TMEM135: variants seen among roughly 807,000 people sequenced by gnomAD.
TMEM135 encodes transmembrane protein 135.
A neutral mutation model predicts 60.3 loss-of-function variants in TMEM135; 30 were observed. The observed-to-expected ratio is 0.50, with a 90% confidence interval of 0.37 to 0.68. The LOEUF (loss-of-function observed/expected upper bound fraction) is 0.68, where lower values mean the gene tolerates loss of function less well. Ranked by LOEUF, TMEM135 falls within the 30% of genes least tolerant of loss-of-function variation. The pLI, the probability that TMEM135 is intolerant of heterozygous loss-of-function variation, is 0.00. For synonymous variants in TMEM135, 190 were observed against 186.7 expected, an observed-to-expected ratio of 1.02 and a Z score of -0.14; for missense variants, 468 against 548.8, an observed-to-expected ratio of 0.85 and a Z score of 1.47.
chr11:87,318,894 G>A (rs1942776633), intron 13 of TMEM135, among the ~76,000 whole-genome samples: 1 of 134,000 alleles, frequency 7.5e-6, no homozygotes, highest in African/African-American at 2.8e-5. Context: ...TTTTTGAGAT[G>A]GAATTTTGCT....
chr11:87,038,447 C>T lies in TMEM135; in HGVS notation c.141+261C>T, dbSNP rs552028450. 5.3e-5 allele frequency among the ~76,000 whole-genome samples: 8 copies of T among 152,048 alleles called. No individual in the cohort carries two copies. The South Asian group carries it at 1.3e-3, about 24-fold the overall frequency. ...GCCTGTTGCTAGGAAGAGGATGGCT[C>T]CCAACTTTTAGAATTAAGTTTAGGA... is the stretch of plus-strand genomic sequence containing the variant. On this transcript the variant is annotated intron_variant, in intron 1 of 14. Transcript: ENST00000305494.
chr11:87,124,791 C>A (rs1937679904), intron 4 of TMEM135, among the ~76,000 whole-genome samples: 1 of 151,996 alleles, frequency 6.6e-6, no homozygotes, highest in African/African-American at 2.4e-5. Context: ...CTTCATTTAT[C>A]CCTTCCTCCC....
chr11:87,309,754 T>G (rs1942610395), intron 10 of TMEM135, 82 bp downstream of exon 10: 40 of 1,414,640 alleles, frequency 2.8e-5, no homozygotes, highest in Non-Finnish European at 3.8e-5. Context: ...TTAGTTCACT[T>G]ATTTTTTAAT....
At chr11:87,265,962 A>T (rs568123168) in intron 6 of TMEM135, among the ~76,000 whole-genome samples, 26 of 152,286 alleles carry the variant, frequency 1.7e-4, no homozygotes, top group African/African-American at 1.2e-4. Context: ...TTGATCTATT[A>T]GCCTTACAGC....
At chr11:87,144,975 C>T (rs187287939) in intron 4 of TMEM135, among the ~76,000 whole-genome samples, 2 of 152,198 alleles carry the variant, frequency 1.3e-5, no homozygotes, top group East Asian at 3.9e-4. Flanking sequence ...TTGAAATTTA[C>T]TCTGTTAGCA....
intron 6 of TMEM135, among the ~76,000 whole-genome samples, chr11:87,275,913 A>G (rs189096469): frequency 2.1e-4 from 32 of 152,062 alleles, no homozygotes; most frequent in African/African-American, 7.7e-4. Context: ...CCGCCCGTCT[A>G]GGCCTCCCAA....
chr11:87,322,077 T>C lies in TMEM135; in HGVS notation c.*744T>C, dbSNP rs750887182. 1.3e-3 allele frequency: 590 copies of C among 454,300 alleles called. 5 individuals are homozygous for C. Among genetic ancestry groups the C allele is most frequent in the Admixed American group, 8.0e-4 (34 of 42,534 alleles). The allele number at this position is 454,300 out of a possible 1,614,324, so 28.1% of individuals were successfully genotyped here. A position where few individuals can be genotyped will look rare whatever the true frequency, so the allele number is the denominator to read the frequency against. On this transcript the variant is annotated 3_prime_UTR_variant, in exon 15 of 15. Transcript: ENST00000305494. ...ATGGACACATCCGATAAAGTTGAAA[T>C]GTATGTTTTAATCTTTCACAGAAGT...
intron 5 of TMEM135, among the ~76,000 whole-genome samples, chr11:87,229,082 A>G (rs1231796040): frequency 1.3e-5 from 2 of 152,128 alleles, no homozygotes. Flanking sequence ...TTCCAGCTGA[A>G]TGAACTTTAT....
At chr11:87,314,425 T>G (rs1235636032) in intron 11 of TMEM135, 46 bp from the exon 12 acceptor site, 1 of 1,502,836 alleles carries the variant, frequency 6.7e-7, no homozygotes. Flanking sequence ...TAATAACAAA[T>G]AAATACTCTG....
chr11:87,215,905 A>G (rs1940490272), intron 5 of TMEM135, among the ~76,000 whole-genome samples: 1 of 152,144 alleles, frequency 6.6e-6, no homozygotes. Context: ...CCTGCTATCT[A>G]ATAGCCTCCT....
intron 1 of TMEM135, among the ~76,000 whole-genome samples, chr11:87,055,081 A>G (rs1949880952): frequency 6.6e-6 from 1 of 152,194 alleles, no homozygotes; most frequent in Non-Finnish European, 1.5e-5. Flanking sequence ...TATCTGTGGT[A>G]AGTGCTATTA....
chr11:87,070,373 G>A (rs942930096), intron 2 of TMEM135, among the ~76,000 whole-genome samples: 5 of 151,640 alleles, frequency 3.3e-5, no homozygotes, highest in South Asian at 2.1e-4. Flanking sequence ...AAAAACCTGC[G>A]TTGGCTCACG....
intron 5 of TMEM135, among the ~76,000 whole-genome samples, chr11:87,193,339 T>G (rs1048138591): frequency 1.3e-5 from 2 of 152,186 alleles, no homozygotes; most frequent in African/African-American, 4.8e-5. Context: ...TCAAATCACT[T>G]AATCTAGAGT....
intron 10 of TMEM135, among the ~76,000 whole-genome samples, chr11:87,312,935 C>T (rs957224807): frequency 6.6e-6 from 1 of 151,772 alleles, no homozygotes; most frequent in Non-Finnish European, 1.5e-5. Flanking sequence ...AAATTTTTGT[C>T]TGGTGTCATA....
chr11:87,152,548 C>T (rs1158892707), intron 4 of TMEM135, among the ~76,000 whole-genome samples: 1 of 152,198 alleles, frequency 6.6e-6, no homozygotes, highest in African/African-American at 2.4e-5. Context: ...AAGCGATTCT[C>T]CAGCCTCAGC....
chr11:87,275,170 A>G (rs529245567), intron 6 of TMEM135, among the ~76,000 whole-genome samples: 1 of 152,134 alleles, frequency 6.6e-6, no homozygotes, highest in Admixed American at 6.5e-5. Context: ...AAATATAAAA[A>G]TGTTATTTTC....
intron 6 of TMEM135, among the ~76,000 whole-genome samples, chr11:87,246,806 T>C (rs147406831): frequency 9.1e-6 from 1 of 109,864 alleles, no homozygotes; most frequent in Non-Finnish European, 2.0e-5. Context: ...AATTTCCTCC[T>C]GTAGCTCAGA....
intron 4 of TMEM135, among the ~76,000 whole-genome samples, chr11:87,137,753 G>A (rs1938144134): frequency 2.6e-5 from 4 of 151,782 alleles, no homozygotes; most frequent in African/African-American, 4.8e-5. Flanking sequence ...CTTTTCTTTT[G>A]TTAATTTTCA....
chr11:87,113,909 G>T (rs1175216007), intron 4 of TMEM135, among the ~76,000 whole-genome samples: 1 of 151,948 alleles, frequency 6.6e-6, no homozygotes, highest in Non-Finnish European at 1.5e-5. Flanking sequence ...ACATATAAAA[G>T]ACGTACTAGT....
Sources: gnomAD v4.1 joint callset for allele counts (sites outside exome capture counted in the v4.1 genomes callset) on GRCh38, gnomAD v4.1.1 for gene constraint, MANE v1.5 for transcripts, NCBI Gene and HGNC (gene_info 2026-07-23, HGNC 2026-07-21) for gene names.